TRPM3: variants seen among roughly 807,000 people sequenced by gnomAD.
TRPM3 encodes long transient receptor potential channel 3.
A neutral mutation model predicts 181.2 loss-of-function variants in TRPM3; 77 were observed. The observed-to-expected ratio is 0.42, with a 90% CI of 0.35 to 0.51. The LOEUF is 0.51. Ranked by LOEUF, TRPM3 falls within the 20% of genes least tolerant of loss-of-function variation. TRPM3 has a pLI of 0.01. For missense variants in TRPM3, 1,759 were observed against 2,196.7 expected (o/e 0.80, Z 3.98); for synonymous variants, 745 against 796.4 (o/e 0.94, Z 1.09).
At chr9:71,251,927 T>A (rs929441136) in intron 1 of TRPM3, among the ~76,000 whole-genome samples, 9 of 152,200 alleles carry the variant, frequency 5.9e-5, no homozygotes, top group Non-Finnish European at 1.2e-4. Context: ...TTTTGATTTT[T>A]AGTTCCCACA....
chr9:70,688,212 AGTGGCCTTCATTCCCTATGACAT>A (rs2067491402), intron 8 of TRPM3, among the ~76,000 whole-genome samples: 1 of 152,248 alleles, frequency 6.6e-6, no homozygotes, highest in East Asian at 1.9e-4. Flanking sequence ...GGACGTTTAA[AGTGGCCTTCATTCCCTATGACAT>A]AAAGCTAAAA....
chr9:70,648,624 T>C (rs1462817939), intron 9 of TRPM3, among the ~76,000 whole-genome samples: 1 of 133,922 alleles, frequency 7.5e-6, no homozygotes, highest in African/African-American at 3.0e-5. Context: ...ACCAGCATCA[T>C]ACTAGTACAA....
At chr9:70,557,313 AT>A (rs1278895313) in intron 22 of TRPM3, among the ~76,000 whole-genome samples, 6 of 152,268 alleles carry the variant, frequency 3.9e-5, no homozygotes, top group Non-Finnish European at 8.8e-5. Flanking sequence ...AGTAACGGCA[AT>A]ATCCGTGAAT....
chr9:71,385,815 C>A (rs969107234), intron 1 of TRPM3, among the ~76,000 whole-genome samples: 21 of 152,040 alleles, frequency 1.4e-4, no homozygotes, highest in African/African-American at 5.1e-4. Flanking sequence ...AGGGATTCTT[C>A]CACATCAGCC....
At chr9:70,630,840 C>A (rs1045940084) in intron 12 of TRPM3, among the ~76,000 whole-genome samples, 1 of 152,080 alleles carries the variant, frequency 6.6e-6, no homozygotes, top group African/African-American at 2.4e-5. Flanking sequence ...GAACTGCTAA[C>A]CTGAAGCTAA....
chr9:70,859,411 C>T lies in TRPM3; in HGVS notation c.462+3497G>A, dbSNP rs149258845. On this transcript the variant is annotated intron_variant, in intron 3 of 25. Transcript: ENST00000677713. ...ATACATACAGTATATATTTGCTCTG[C>T]GACATGGAGAAATTAGTTAACTATT... Among the ~76,000 whole-genome samples, 9 of 152,130 alleles carry T rather than the reference C, an allele frequency of 5.9e-5. No individual in the cohort carries two copies. In the South Asian group the frequency reaches 6.2e-4, roughly 11 times the overall value.
intron 8 of TRPM3, chr9:70,760,788 T>C (rs1211867561): frequency 6.6e-6 from 1 of 152,038 alleles, no homozygotes; most frequent in Non-Finnish European, 1.5e-5. Flanking sequence ...ATCCACTGCA[T>C]TGGCTTCAGT....
intron 1 of TRPM3, among the ~76,000 whole-genome samples, chr9:71,008,654 C>A (rs1590585373): frequency 6.6e-6 from 1 of 152,082 alleles, no homozygotes; most frequent in East Asian, 1.9e-4. Context: ...ACCAACCTGG[C>A]CAACCTGGTG....
chr9:70,843,837 C>T (rs2132027452), intron 4 of TRPM3, among the ~76,000 whole-genome samples: 2 of 152,190 alleles, frequency 1.3e-5, no homozygotes, highest in East Asian at 3.9e-4. Context: ...TCTTAACCTC[C>T]CTCTCAAATG....
At chr9:71,096,588 A>ACTCT (rs1256142555) in intron 1 of TRPM3, among the ~76,000 whole-genome samples, 47 of 96,934 alleles carry the variant, frequency 4.8e-4, no homozygotes, top group African/African-American at 1.6e-3. Context: ...ACACACACAC[A>ACTCT]CACTCTCTCT....
chr9:71,270,392 C>G (rs994108060), intron 1 of TRPM3, among the ~76,000 whole-genome samples: 4 of 152,128 alleles, frequency 2.6e-5, no homozygotes, highest in African/African-American at 9.7e-5. Context: ...ACAGTTTACT[C>G]AATCATTCAG....
chr9:70,790,982 G>A (rs1017961070), intron 6 of TRPM3, among the ~76,000 whole-genome samples: 50 of 152,078 alleles, frequency 3.3e-4, no homozygotes, highest in Non-Finnish European at 6.9e-4. Flanking sequence ...AAACATCTAG[G>A]GGTGACATTT....
chr9:71,367,497 A>C (rs1208259128), intron 1 of TRPM3, among the ~76,000 whole-genome samples: 1 of 152,104 alleles, frequency 6.6e-6, no homozygotes, highest in Non-Finnish European at 1.5e-5. Flanking sequence ...TTTTCTTTTT[A>C]ATTTTCTTTT....
chr9:71,161,629 A>T (rs1449949721), intron 1 of TRPM3, among the ~76,000 whole-genome samples: 1 of 152,166 alleles, frequency 6.6e-6, no homozygotes, highest in Non-Finnish European at 1.5e-5. Flanking sequence ...CAGATTCAAG[A>T]TATAATTACT....
chr9:71,371,964 C>G (rs2092529133), intron 1 of TRPM3, among the ~76,000 whole-genome samples: 1 of 152,160 alleles, frequency 6.6e-6, no homozygotes, highest in African/African-American at 2.4e-5. Context: ...GCTATTCTCC[C>G]TGATGCTCTC....
At chr9:71,248,555 A>C (rs1181161451) in intron 1 of TRPM3, among the ~76,000 whole-genome samples, 1 of 152,172 alleles carries the variant, frequency 6.6e-6, no homozygotes, top group African/African-American at 2.4e-5. Flanking sequence ...GTGAGAGAAC[A>C]TATTTTTCCT....
chr9:70,866,623 G>A (rs186712830), intron 1 of TRPM3, among the ~76,000 whole-genome samples: 167 of 152,162 alleles, frequency 1.1e-3, no homozygotes, highest in African/African-American at 3.9e-3. Flanking sequence ...CAGATGAGGG[G>A]ACTATGAAAT....
intron 1 of TRPM3, among the ~76,000 whole-genome samples, chr9:71,353,294 A>T (rs1380975297): frequency 6.6e-6 from 1 of 152,140 alleles, no homozygotes; most frequent in Non-Finnish European, 1.5e-5. Flanking sequence ...AACGCTGTGG[A>T]GGCAGGAACT....
At chr9:71,136,075 C>T (rs760426722) in intron 1 of TRPM3, among the ~76,000 whole-genome samples, 2 of 152,132 alleles carry the variant, frequency 1.3e-5, no homozygotes, top group South Asian at 2.1e-4. Flanking sequence ...TGTAGCACTA[C>T]GCCAGGTACT....
Sources: gnomAD v4.1 joint callset for allele counts (sites outside exome capture counted in the v4.1 genomes callset) on GRCh38, gnomAD v4.1.1 for gene constraint, MANE v1.5 for transcripts, NCBI Gene and HGNC (gene_info 2026-07-23, HGNC 2026-07-21) for gene names.